The following ALX4 variants were observed in gnomAD, a reference collection of about 807,000 sequenced individuals.
The protein encoded by ALX4 is ALX homeobox 4.
Under a neutral mutation model 40.6 loss-of-function variants are expected in ALX4, and 22 were observed. The observed-to-expected ratio is 0.54, with a 90% CI of 0.39 to 0.77. The LOEUF (loss-of-function observed/expected upper bound fraction) is 0.77, where lower values mean the gene tolerates loss of function less well. Ranked by LOEUF, ALX4 falls within the 30% of genes least tolerant of loss-of-function variation. ALX4 has a pLI of 0.00. For synonymous variants in ALX4, 266 were observed against 240.5 expected (o/e 1.11, Z -0.98); for missense variants, 556 against 564.8 (o/e 0.98, Z 0.16).
chr11:44,279,868 AGGCTCAG>A (rs1956298815), intron 1 of ALX4, among the ~76,000 whole-genome samples: 2 of 151,926 alleles, frequency 1.3e-5, no homozygotes, highest in Non-Finnish European at 3.0e-5. Context: ...TCTCAGCCTG[AGGCTCAG>A]CACAGGATAG....
intron 2 of ALX4, among the ~76,000 whole-genome samples, chr11:44,268,608 C>T (rs1014334589): frequency 2.6e-5 from 4 of 152,064 alleles, no homozygotes; most frequent in South Asian, 2.1e-4. Flanking sequence ...TTCCTTTGCA[C>T]GAGCATTTCT....
chr11:44,276,365 T>A (rs1956277995), intron 1 of ALX4, among the ~76,000 whole-genome samples: 1 of 152,182 alleles, frequency 6.6e-6, no homozygotes, highest in African/African-American at 2.4e-5. Flanking sequence ...GCCCACTGTT[T>A]ACTGAGGCTG....
intron 1 of ALX4, among the ~76,000 whole-genome samples, chr11:44,306,453 C>T (rs1482565465): frequency 6.6e-6 from 1 of 152,230 alleles, no homozygotes; most frequent in African/African-American, 2.4e-5. Flanking sequence ...CGGGAGTGGG[C>T]CCAGAAGTTG....
chr11:44,290,403 C>A (rs1202348068), intron 1 of ALX4, among the ~76,000 whole-genome samples: 3 of 152,242 alleles, frequency 2.0e-5, no homozygotes, highest in Non-Finnish European at 2.9e-5. Context: ...CCTGGAGCAC[C>A]AGCTATGCAC....
chr11:44,281,204 T>G (rs922047007), intron 1 of ALX4, among the ~76,000 whole-genome samples: 1 of 152,052 alleles, frequency 6.6e-6, no homozygotes, highest in African/African-American at 2.4e-5. Context: ...TATGTACAGA[T>G]GTACACCCGA....
chr11:44,283,247 CAAAA>C (rs35704210), intron 1 of ALX4, among the ~76,000 whole-genome samples: 3 of 100,162 alleles, frequency 3.0e-5, no homozygotes, highest in East Asian at 2.7e-4. Flanking sequence ...AACTCCATCT[CAAAA>C]AAAAAAAAAA....
rs550434819 is a variant in ALX4, at chr11:44,261,613, G to C, written c.*3241C>G. The C allele has an allele frequency of 6.3e-4, 96 of 152,378 alleles. No individual in the cohort carries two copies. The highest frequency in any genetic ancestry group is 1.2e-3 in the Non-Finnish European group (82 of 68,064). 9.4% of individuals were successfully genotyped at this position (152,378 alleles called of 1,614,324 possible). On this transcript the variant is annotated 3_prime_UTR_variant, in exon 4 of 4. Transcript: ENST00000652299. ...GAGCCCTCGCTCCCATGCCCCAGGA[G>C]TAGTGCTGGCATCTGGAGGGCAGTA... is the stretch of plus-strand genomic sequence containing the variant.
At chr11:44,301,607 T>C (rs895184894) in intron 1 of ALX4, among the ~76,000 whole-genome samples, 1 of 152,202 alleles carries the variant, frequency 6.6e-6, no homozygotes, top group African/African-American at 2.4e-5. Context: ...TCTGCCCTAT[T>C]TGATGCACAG....
intron 1 of ALX4, among the ~76,000 whole-genome samples, chr11:44,283,877 G>T (rs1956323767): frequency 1.3e-5 from 2 of 152,004 alleles, no homozygotes; most frequent in African/African-American, 4.8e-5. Flanking sequence ...GTATTTATTT[G>T]TTCTTCTGTT....
At chr11:44,278,832 G>A (rs1212730743) in intron 1 of ALX4, among the ~76,000 whole-genome samples, 2 of 152,210 alleles carry the variant, frequency 1.3e-5, no homozygotes, top group Non-Finnish European at 2.9e-5. Flanking sequence ...ACCTGGGGAG[G>A]GGAGGAGAGG....
rs1451387735 is a variant in ALX4, at chr11:44,261,520, G to A, written c.*3334C>T. 6.6e-6 allele frequency: 1 copy of A among 152,192 alleles called. No homozygotes were observed. The highest frequency in any genetic ancestry group is 2.4e-5 in the African/African-American group (1 of 41,438). The allele number at this position is 152,192 out of a possible 1,614,324, so 9.4% of individuals were successfully genotyped here. A position where few individuals can be genotyped will look rare whatever the true frequency, so the allele number is the denominator to read the frequency against. On this transcript the variant is annotated 3_prime_UTR_variant, in exon 4 of 4. Transcript: ENST00000652299. ...GTATAGTTAAAAGAATTCAAGGAAAGTTCTAAAAGCCCATGTCCTCCAAGT... is the reference window on the plus strand; with the variant it reads ...GTATAGTTAAAAGAATTCAAGGAAAATTCTAAAAGCCCATGTCCTCCAAGT...
chr11:44,309,503 C>T, intron 1 of ALX4, 94 bp downstream of exon 1: 1 of 1,512,580 alleles, frequency 6.6e-7, no homozygotes, highest in Non-Finnish European at 8.8e-7. Context: ...CCCAGCCCGC[C>T]AACTCATACC....
At chr11:44,290,728 G>T (rs1956364242) in intron 1 of ALX4, among the ~76,000 whole-genome samples, 1 of 152,210 alleles carries the variant, frequency 6.6e-6, no homozygotes, top group African/African-American at 2.4e-5. Context: ...GCCACCTTGT[G>T]GTTCTGCCAC....
At chr11:44,268,259 A>C (rs1210464089) in intron 2 of ALX4, among the ~76,000 whole-genome samples, 1 of 152,188 alleles carries the variant, frequency 6.6e-6, no homozygotes, top group African/African-American at 2.4e-5. Flanking sequence ...GGCTGAAAGG[A>C]GGAAAGCCAA....
chr11:44,286,799 C>T (rs933669778), intron 1 of ALX4, among the ~76,000 whole-genome samples: 6 of 152,160 alleles, frequency 3.9e-5, no homozygotes, highest in African/African-American at 4.8e-5. Flanking sequence ...CCAGCATCCT[C>T]ATTGGACAGA....
chr11:44,290,544 A>G (rs909478852), intron 1 of ALX4, among the ~76,000 whole-genome samples: 1 of 152,242 alleles, frequency 6.6e-6, no homozygotes, highest in African/African-American at 2.4e-5. Flanking sequence ...CACCTAGCCC[A>G]GCCTTGGGGC....
chr11:44,279,038 A>C (rs1388181721), intron 1 of ALX4, among the ~76,000 whole-genome samples: 1 of 152,216 alleles, frequency 6.6e-6, no homozygotes, highest in Non-Finnish European at 1.5e-5. Context: ...CAGAATAACA[A>C]GCACAGCCCT....
intron 1 of ALX4, among the ~76,000 whole-genome samples, chr11:44,290,909 C>T (rs144802257): frequency 1.7e-3 from 254 of 152,262 alleles, no homozygotes; most frequent in African/African-American, 5.8e-3. Context: ...ATCAATGGGA[C>T]GTTGCCATGA....
At chr11:44,272,794 G>A (rs1006953722) in intron 2 of ALX4, among the ~76,000 whole-genome samples, 4 of 151,756 alleles carry the variant, frequency 2.6e-5, no homozygotes, top group African/African-American at 9.7e-5. Context: ...GGGTGACACA[G>A]TGAGATCCTG....
Sources: allele counts gnomAD v4.1 joint callset (sites outside exome capture counted in the v4.1 genomes callset), GRCh38; gene constraint gnomAD v4.1.1; transcripts MANE v1.5; gene names NCBI Gene and HGNC (gene_info 2026-07-23, HGNC 2026-07-21).